Variants in ROBO1 observed in about 807,000 individuals in gnomAD.
The protein encoded by ROBO1 is roundabout homolog 1.
Under a neutral mutation model 195.9 loss-of-function variants are expected in ROBO1, and 149 were observed. The ratio of observed to expected loss-of-function variants is 0.76; its 90% CI spans 0.67 to 0.87. The LOEUF is 0.87. ROBO1 is among the 40% of genes least tolerant of loss of function. ROBO1 has a pLI of 0.00. For missense variants in ROBO1, 1,933 were observed against 2,068.3 expected (o/e 0.93, Z 1.27); for synonymous variants, 816 against 733.2 (o/e 1.11, Z -1.82).
intron 2 of ROBO1, among the ~76,000 whole-genome samples, chr3:79,557,739 AAAAAATAT>A (rs1942757094): frequency 7.1e-6 from 1 of 140,082 alleles, no homozygotes; most frequent in African/African-American, 2.8e-5. Context: ...TTAAAACAAA[AAAAAATAT>A]ATATATATAT....
intron 6 of ROBO1, 118 bp from the exon 7 acceptor site, chr3:78,717,531 A>C: frequency 1.0e-6 from 1 of 982,552 alleles, no homozygotes; most frequent in Non-Finnish European, 1.5e-6. Flanking sequence ...AAATTATTCC[A>C]CAGAGTCCCC....
chr3:79,186,291 G>A (rs1027208037), intron 2 of ROBO1, among the ~76,000 whole-genome samples: 2 of 150,822 alleles, frequency 1.3e-5, no homozygotes, highest in Non-Finnish European at 2.9e-5. Flanking sequence ...CCTGATTTAT[G>A]TATATCTACA....
intron 3 of ROBO1, among the ~76,000 whole-genome samples, chr3:78,980,694 T>C (rs1038349532): frequency 2.0e-5 from 3 of 152,144 alleles, no homozygotes; most frequent in African/African-American, 7.2e-5. Flanking sequence ...CACCAAACTT[T>C]CCATCTTATG....
At chr3:79,449,644 T>C (rs2039380045) in intron 2 of ROBO1, among the ~76,000 whole-genome samples, 1 of 152,166 alleles carries the variant, frequency 6.6e-6, no homozygotes, top group South Asian at 2.1e-4. Flanking sequence ...ATTTATAAAA[T>C]CTACTTAAAA....
At chr3:79,497,479 A>T (rs1939812331) in intron 2 of ROBO1, among the ~76,000 whole-genome samples, 1 of 152,144 alleles carries the variant, frequency 6.6e-6, no homozygotes, top group African/African-American at 2.4e-5. Context: ...AAAAGTATTG[A>T]TTAATTGAAA....
chr3:79,459,486 T>C (rs183821275), intron 2 of ROBO1, among the ~76,000 whole-genome samples: 4 of 151,250 alleles, frequency 2.6e-5, no homozygotes, highest in Admixed American at 2.0e-4. Context: ...AAAGAGTATA[T>C]AGAACCAATA....
At chr3:78,781,368 T>C (rs2083672737) in intron 4 of ROBO1, among the ~76,000 whole-genome samples, 1 of 152,196 alleles carries the variant, frequency 6.6e-6, no homozygotes, top group Non-Finnish European at 1.5e-5. Context: ...TAATTCTATC[T>C]AGGTAGCCTC....
At chr3:79,366,678 T>C (rs1203256977) in intron 2 of ROBO1, among the ~76,000 whole-genome samples, 1 of 152,174 alleles carries the variant, frequency 6.6e-6, no homozygotes, top group African/African-American at 2.4e-5. Context: ...TAAATATTTG[T>C]TCAATGATTT....
intron 23 of ROBO1, among the ~76,000 whole-genome samples, chr3:78,635,324 T>C (rs1484665815): frequency 1.3e-5 from 2 of 152,096 alleles, no homozygotes; most frequent in Non-Finnish European, 2.9e-5. Flanking sequence ...TTGAACCACT[T>C]CTCCAGTTCA....
At chr3:79,392,774 A>G (rs1431859340) in intron 2 of ROBO1, among the ~76,000 whole-genome samples, 1 of 152,218 alleles carries the variant, frequency 6.6e-6, no homozygotes, top group African/African-American at 2.4e-5. Flanking sequence ...AAATAAAACA[A>G]TGAACATCCT....
intron 1 of ROBO1, among the ~76,000 whole-genome samples, chr3:79,686,579 A>G (rs1320778776): frequency 6.6e-6 from 1 of 152,190 alleles, no homozygotes; most frequent in African/African-American, 2.4e-5. Context: ...CACCAATAAC[A>G]GACAGAGAGC....
intron 2 of ROBO1, among the ~76,000 whole-genome samples, chr3:79,577,522 A>G (rs960154384): frequency 6.6e-6 from 1 of 152,148 alleles, no homozygotes; most frequent in Admixed American, 6.5e-5. Context: ...GATATAAGGT[A>G]AATACTGGAA....
At chr3:79,581,532 G>C (rs1345484668) in intron 2 of ROBO1, among the ~76,000 whole-genome samples, 1 of 152,040 alleles carries the variant, frequency 6.6e-6, no homozygotes, top group Non-Finnish European at 1.5e-5. Context: ...GAAGACCAAG[G>C]CTAATAAAGA....
intron 5 of ROBO1, among the ~76,000 whole-genome samples, 153 bp downstream of exon 5, chr3:78,746,590 T>C (rs1004278661): frequency 6.6e-6 from 1 of 152,200 alleles, no homozygotes; most frequent in Non-Finnish European, 1.5e-5. Flanking sequence ...ACAGAAAGAA[T>C]TGAAATATAT....
intron 4 of ROBO1, among the ~76,000 whole-genome samples, chr3:78,789,942 T>G (rs1576170388): frequency 6.6e-6 from 1 of 152,318 alleles, no homozygotes; most frequent in Middle Eastern, 3.4e-3. Flanking sequence ...TGGACCAACA[T>G]CTTGGGCTAG....
intron 2 of ROBO1, among the ~76,000 whole-genome samples, chr3:79,185,414 T>C (rs957002422): frequency 6.6e-6 from 1 of 152,188 alleles, no homozygotes; most frequent in Admixed American, 6.5e-5. Context: ...CTTACAAGTG[T>C]TTCCCTATAG....
At chr3:78,788,861 A>G (rs1403480906) in intron 4 of ROBO1, among the ~76,000 whole-genome samples, 1 of 152,182 alleles carries the variant, frequency 6.6e-6, no homozygotes, top group Non-Finnish European at 1.5e-5. Context: ...TGTAGTGTAA[A>G]TTCATAATTT....
intron 2 of ROBO1, among the ~76,000 whole-genome samples, chr3:79,517,742 A>C (rs1941012945): frequency 6.6e-6 from 1 of 152,204 alleles, no homozygotes; most frequent in Admixed American, 6.5e-5. Context: ...TATAGGTGAC[A>C]CTTATTGAAT....
intron 2 of ROBO1, among the ~76,000 whole-genome samples, chr3:79,565,054 C>A (rs1025930219): frequency 1.3e-5 from 2 of 152,034 alleles, no homozygotes; most frequent in Non-Finnish European, 2.9e-5. Flanking sequence ...CTTATTCAAT[C>A]ATGAGGTTGA....
Sources: gnomAD v4.1 joint callset for allele counts (sites outside exome capture counted in the v4.1 genomes callset) on GRCh38, gnomAD v4.1.1 for gene constraint, MANE v1.5 for transcripts, NCBI Gene and HGNC (gene_info 2026-07-23, HGNC 2026-07-21) for gene names.